CUX2: variants seen among roughly 807,000 people sequenced by gnomAD.
CUX2 encodes cut like homeobox 2.
A neutral mutation model predicts 144.8 loss-of-function variants in CUX2; 40 were observed. The observed-to-expected ratio is 0.28, with a 90% CI of 0.21 to 0.36. The LOEUF (loss-of-function observed/expected upper bound fraction) is 0.36, where lower values mean the gene tolerates loss of function less well. CUX2 is among the 10% of genes least tolerant of loss of function. CUX2 has a pLI of 1.00. For synonymous variants in CUX2, 827 were observed against 875.6 expected, an observed-to-expected ratio of 0.94 and a Z score of 0.98; for missense variants, 1,615 against 1,994.0, an observed-to-expected ratio of 0.81 and a Z score of 3.62.
At chr12:111,044,834 G>A (rs1041862277) in intron 1 of CUX2, among the ~76,000 whole-genome samples, 1 of 152,202 alleles carries the variant, frequency 6.6e-6, no homozygotes, top group East Asian at 1.9e-4. Context: ...ACTGGCTCTT[G>A]AAAGTTGCTG....
chr12:111,196,956 AG>A (rs1427065796), intron 1 of CUX2, among the ~76,000 whole-genome samples: 1 of 152,102 alleles, frequency 6.6e-6, no homozygotes, highest in Non-Finnish European at 1.5e-5. Context: ...CTCAGGGACT[AG>A]GGGCTGCATG....
At chr12:111,158,645 G>A (rs1235311920) in intron 1 of CUX2, among the ~76,000 whole-genome samples, 1 of 151,892 alleles carries the variant, frequency 6.6e-6, no homozygotes, top group African/African-American at 2.4e-5. Context: ...GCAGCCTGGG[G>A]ACCCTGCATG....
Position 111,132,698 on chromosome 12 carries a change from C to T in CUX2, c.64-81502C>T, listed in dbSNP as rs183110830. Reference sequence around the variant, plus strand: ...TCTCCTGTCTCAGCCTCCCAAGTAGCTGGGATTACAGGCATCCACCACCAC... The same window carrying T: ...TCTCCTGTCTCAGCCTCCCAAGTAGTTGGGATTACAGGCATCCACCACCAC... On this transcript the variant is annotated intron_variant, in intron 1 of 21. Coordinates refer to ENST00000261726, the MANE Select transcript of CUX2 (RefSeq NM_015267.4). Among the ~76,000 whole-genome samples, 71 of 151,250 alleles carry T rather than the reference C, an allele frequency of 4.7e-4. 1 individual carries two copies. The highest frequency in any genetic ancestry group is 1.6e-3 in the African/African-American group (66 of 41,186).
intron 3 of CUX2, among the ~76,000 whole-genome samples, chr12:111,262,154 C>G (rs1884159926): frequency 6.6e-6 from 1 of 152,188 alleles, no homozygotes; most frequent in Non-Finnish European, 1.5e-5. Flanking sequence ...TCTGGGGAAG[C>G]TGCCTTAATG....
At chr12:111,248,332 C>A (rs1358042043) in intron 3 of CUX2, among the ~76,000 whole-genome samples, 1 of 152,200 alleles carries the variant, frequency 6.6e-6, no homozygotes. Context: ...CTAGGCATGC[C>A]TCACCACCCA....
rs552986490 is a variant in CUX2, at chr12:111,066,515, C to G, written c.63+32275C>G. ...CACAGGGACCAAAGGCTGAACAAAT[C>G]CTGGGAGTCTCTCTACCTTACCTCT... On this transcript the variant is annotated intron_variant, in intron 1 of 21. Transcript: ENST00000261726. Among the ~76,000 whole-genome samples, 62 of 152,300 alleles carry G rather than the reference C, an allele frequency of 4.1e-4. No individual in the cohort carries two copies. In the South Asian group the frequency reaches 0.012, roughly 30 times the overall value.
intron 3 of CUX2, among the ~76,000 whole-genome samples, chr12:111,245,684 G>A (rs956708015): frequency 3.9e-5 from 6 of 152,214 alleles, no homozygotes; most frequent in Middle Eastern, 3.4e-3. Context: ...AGGAGCATTC[G>A]AGCTAAGAGG....
At position 111,241,018 on chromosome 12, in the gene CUX2, C is replaced by A. The variant is rs554816846; in HGVS notation, c.223-22743C>A. 5.3e-5 allele frequency among the ~76,000 whole-genome samples: 8 copies of A among 152,156 alleles called. No individual in the cohort carries two copies. The South Asian group carries it at 1.7e-3, about 32-fold the overall frequency. ...CGTTTTGTGTTGCTATCATAAAATA[C>A]CTGAGGCTGGGTAATGTATAAAGAA... On this transcript the variant is annotated intron_variant, in intron 3 of 21. Coordinates refer to ENST00000261726, the MANE Select transcript of CUX2 (RefSeq NM_015267.4).
chr12:111,143,622 G>C (rs976618075), intron 1 of CUX2, among the ~76,000 whole-genome samples: 1 of 152,252 alleles, frequency 6.6e-6, no homozygotes, highest in African/African-American at 2.4e-5. Flanking sequence ...AATAGGGAGA[G>C]AAAGGATGAT....
At chr12:111,154,008 G>A (rs920342930) in intron 1 of CUX2, among the ~76,000 whole-genome samples, 13 of 152,198 alleles carry the variant, frequency 8.5e-5, no homozygotes, top group African/African-American at 2.9e-4. Flanking sequence ...AGACACCAAC[G>A]ATACTGGATT....
chr12:111,164,469 G>A (rs1419606488), intron 1 of CUX2, among the ~76,000 whole-genome samples: 4 of 152,066 alleles, frequency 2.6e-5, no homozygotes, highest in African/African-American at 2.4e-5. Flanking sequence ...CCAGCTACTT[G>A]GGAGGCTGAG....
At chr12:111,269,471 C>G (rs1247712206) in intron 4 of CUX2, among the ~76,000 whole-genome samples, 1 of 152,192 alleles carries the variant, frequency 6.6e-6, no homozygotes, top group Non-Finnish European at 1.5e-5. Flanking sequence ...TGTGACCCTA[C>G]AAACACAGAC....
rs1024847589 is a variant in CUX2, at chr12:111,039,250, G to A, written c.63+5010G>A. ...CAGGTGGTGACCTGCCTTTGTTCCT[G>A]GCCTTGGGATTCAGGGTCCCATCTT... On this transcript the variant is annotated intron_variant, in intron 1 of 21. Coordinates refer to ENST00000261726, the MANE Select transcript of CUX2 (RefSeq NM_015267.4). This position sits in a 1 kb window ranked among gnomAD's most constrained non-coding sequence, Gnocchi z 4.2. Among the ~76,000 whole-genome samples the A allele has an allele frequency of 6.6e-6, 1 of 152,092 alleles. No homozygotes were observed. Among genetic ancestry groups the A allele is most frequent in the Admixed American group, 6.5e-5 (1 of 15,274 alleles).
At chr12:111,269,536 G>A (rs981948977) in intron 4 of CUX2, among the ~76,000 whole-genome samples, 1 of 152,104 alleles carries the variant, frequency 6.6e-6, no homozygotes, top group East Asian at 1.9e-4. Flanking sequence ...CCAGATCATC[G>A]GTCACATAGC....
chr12:111,224,834 G>A (rs544735883), intron 3 of CUX2, among the ~76,000 whole-genome samples: 2 of 152,096 alleles, frequency 1.3e-5, no homozygotes, highest in African/African-American at 4.8e-5. Flanking sequence ...ATTTTAGATC[G>A]TCTGTTTCCT....
chr12:111,303,655 A>G (rs1886428874), intron 9 of CUX2, among the ~76,000 whole-genome samples: 1 of 151,824 alleles, frequency 6.6e-6, no homozygotes, highest in Non-Finnish European at 1.5e-5. Flanking sequence ...AAAAAAGAAA[A>G]GAAAAGAAAC....
At position 111,320,502 on chromosome 12, in the gene CUX2, T is replaced by C. The variant is rs1045817274; in HGVS notation, c.2493T>C (p.Pro831=). 48 of 1,581,356 alleles carry C rather than the reference T, an allele frequency of 3.0e-5. No individual in the cohort carries two copies. Among genetic ancestry groups the C allele is most frequent in the Non-Finnish European group, 4.0e-5 (47 of 1,169,102 alleles). The part of the protein sequence containing the change: ...GRAWPRGDEA[P]VPPEDEAAAG... The stretch of plus-strand genomic sequence containing the variant: ...CCTGGCCCCGCGGGGACGAGGCCCC[T>C]GTGCCCCCCGAGGACGAGGCGGCGG... The change falls in exon 17 of 22, where the codon CCT becomes CCC. Residue 831 remains proline (P), a synonymous_variant. Transcript: ENST00000261726. The surrounding 1 kb of genome is among the most constrained non-coding windows in gnomAD (Gnocchi z 8.1).
At chr12:111,098,971 G>A (rs144222447) in intron 1 of CUX2, among the ~76,000 whole-genome samples, 157 of 152,362 alleles carry the variant, frequency 1.0e-3, no homozygotes, top group African/African-American at 3.6e-3. Context: ...TGTAGAACCA[G>A]CCTGAGAAGA....
rs1486905521 is a variant in CUX2, at chr12:111,255,414, G to A, written c.223-8347G>A. On this transcript the variant is annotated intron_variant, in intron 3 of 21. Coordinates refer to ENST00000261726, the MANE Select transcript of CUX2 (RefSeq NM_015267.4). This position sits in a 1 kb window ranked among gnomAD's most constrained non-coding sequence, Gnocchi z 4.1. The stretch of plus-strand genomic sequence containing the variant: ...AGCACGTTAGCACTCGCCAGGGAAC[G>A]GGGGCCCCAGCAGACACACCTGGAG... Among the ~76,000 whole-genome samples, 2 of 152,206 alleles carry A rather than the reference G, an allele frequency of 1.3e-5. No individual in the cohort carries two copies. Among genetic ancestry groups the A allele is most frequent in the African/African-American group, 4.8e-5 (2 of 41,460 alleles).
Sources: allele counts gnomAD v4.1 joint callset (sites outside exome capture counted in the v4.1 genomes callset), GRCh38; gene constraint gnomAD v4.1.1; non-coding constraint Gnocchi (gnomAD v3.1); transcripts MANE v1.5; gene names NCBI Gene and HGNC (gene_info 2026-07-23, HGNC 2026-07-21).